The following KLF17 variants were observed in gnomAD, a reference collection of about 807,000 sequenced individuals.
The protein encoded by KLF17 is KLF transcription factor 17.
A neutral mutation model predicts 34.2 loss-of-function variants in KLF17; 31 were observed. That is an observed-to-expected ratio of 0.91 (90% CI 0.68 to 1.22). The LOEUF (loss-of-function observed/expected upper bound fraction) is 1.22, where lower values mean the gene tolerates loss of function less well. Among genes scored for constraint, KLF17 ranks in the 50% most tolerant of loss-of-function variants. The pLI is 0.00. For missense variants in KLF17, 478 were observed against 505.2 expected (o/e 0.95, Z 0.52); for synonymous variants, 179 against 186.7 (o/e 0.96, Z 0.34).
the KLF17 span, among the ~76,000 whole-genome samples, chr1:44,077,919 C>T: frequency 1.3e-5 from 2 of 152,148 alleles, no homozygotes; most frequent in African/African-American, 2.4e-5. Flanking sequence ...TACAGAAGTA[C>T]GTGGAATTGG....
At chr1:44,082,834 G>A in the KLF17 span, among the ~76,000 whole-genome samples, 1 of 152,006 alleles carries the variant, frequency 6.6e-6, no homozygotes, top group Non-Finnish European at 1.5e-5. Flanking sequence ...ATTCAGAAGG[G>A]AAAATGTGAC....
chr1:44,079,040 G>A, the KLF17 span, among the ~76,000 whole-genome samples: 1 of 152,012 alleles, frequency 6.6e-6, no homozygotes, highest in Non-Finnish European at 1.5e-5. Context: ...GATAAAGTAT[G>A]TTCTTCCTCC....
At chr1:44,058,667 C>CTTTTTTTTTT in the KLF17 span, among the ~76,000 whole-genome samples, 1 of 65,204 alleles carries the variant, frequency 1.5e-5, no homozygotes, top group East Asian at 4.7e-4. Flanking sequence ...ATGGGAGGCC[C>CTTTTTTTTTT]TTTTTTTTTT....
chr1:44,091,952 C>CA, the KLF17 span, among the ~76,000 whole-genome samples: 22 of 110,104 alleles, frequency 2.0e-4, no homozygotes, highest in Admixed American at 3.9e-4. Flanking sequence ...ACAACAACAA[C>CA]ACACACACAC....
At chr1:44,107,991 G>A in the KLF17 span, among the ~76,000 whole-genome samples, 3 of 152,144 alleles carry the variant, frequency 2.0e-5, no homozygotes, top group Non-Finnish European at 4.4e-5. Flanking sequence ...ACTAGAAGAC[G>A]AATGAGCCCA....
At chr1:44,084,798 G>A in the KLF17 span, among the ~76,000 whole-genome samples, 1 of 151,406 alleles carries the variant, frequency 6.6e-6, no homozygotes, top group Admixed American at 6.6e-5. Flanking sequence ...ATGAAGGCAG[G>A]CACGGTGGCT....
the KLF17 span, among the ~76,000 whole-genome samples, chr1:44,081,676 C>A: frequency 3.5e-4 from 53 of 152,156 alleles, 1 homozygote; most frequent in African/African-American, 1.3e-3. Context: ...CTGCCTCAGA[C>A]TCCCAAGGTG....
the KLF17 span, among the ~76,000 whole-genome samples, chr1:44,102,607 C>G: frequency 2.9e-5 from 3 of 101,776 alleles, no homozygotes; most frequent in Non-Finnish European, 4.4e-5. Flanking sequence ...CACACACACA[C>G]ACACACAGAA....
At chr1:44,047,139 T>C in the KLF17 span, among the ~76,000 whole-genome samples, 1 of 152,202 alleles carries the variant, frequency 6.6e-6, no homozygotes, top group Non-Finnish European at 1.5e-5. Flanking sequence ...AATATTATGT[T>C]TAGATATGCT....
chr1:44,092,089 T>C, the KLF17 span, among the ~76,000 whole-genome samples: 1 of 145,054 alleles, frequency 6.9e-6, no homozygotes, highest in Non-Finnish European at 1.5e-5. Context: ...ACACCTATAA[T>C]CCCAGCACTT....
At chr1:44,127,692 T>TTC (rs753421834) in intron 1 of KLF17, among the ~76,000 whole-genome samples, 14,092 of 89,628 alleles carry the variant, frequency 0.16, 1,409 homozygotes, top group Non-Finnish European at 0.18. Flanking sequence ...CTTTCTTTCT[T>TTC]TTTCTTTCTT....
chr1:44,080,363 C>G, the KLF17 span, among the ~76,000 whole-genome samples: 3 of 151,766 alleles, frequency 2.0e-5, no homozygotes, highest in Non-Finnish European at 2.9e-5. Context: ...CTCAGCCTCC[C>G]GAGTAGCTGG....
the KLF17 span, among the ~76,000 whole-genome samples, chr1:44,067,369 G>C: frequency 6.6e-6 from 1 of 152,170 alleles, no homozygotes; most frequent in Non-Finnish European, 1.5e-5. Context: ...AATGTATTGT[G>C]GTTGATGTAG....
chr1:44,070,256 A>G, the KLF17 span, among the ~76,000 whole-genome samples: 9 of 152,140 alleles, frequency 5.9e-5, no homozygotes, highest in Non-Finnish European at 1.0e-4. Flanking sequence ...GATATTTTGT[A>G]TAGTGGTGAA....
At chr1:44,103,724 G>A in the KLF17 span, 2 of 1,481,176 alleles carry the variant, frequency 1.4e-6, no homozygotes, top group East Asian at 4.6e-5. Flanking sequence ...CGGACAGCTT[G>A]GCGTTGGCAC....
the KLF17 span, among the ~76,000 whole-genome samples, chr1:44,058,937 A>G: frequency 6.6e-6 from 1 of 152,110 alleles, no homozygotes; most frequent in Non-Finnish European, 1.5e-5. Context: ...GTTAACCTCC[A>G]CAATCAACCA....
At chr1:44,089,588 T>C in the KLF17 span, among the ~76,000 whole-genome samples, 1 of 152,072 alleles carries the variant, frequency 6.6e-6, no homozygotes, top group Non-Finnish European at 1.5e-5. Context: ...AAGTTCTTCC[T>C]TGAAGGGGGA....
At chr1:44,066,893 T>C in the KLF17 span, among the ~76,000 whole-genome samples, 1 of 152,166 alleles carries the variant, frequency 6.6e-6, no homozygotes, top group South Asian at 2.1e-4. Context: ...AACATAATTT[T>C]GAGCAATAAA....
intron 1 of KLF17, among the ~76,000 whole-genome samples, chr1:44,123,631 A>G (rs759576065): frequency 2.6e-5 from 4 of 151,872 alleles, no homozygotes; most frequent in Non-Finnish European, 4.4e-5. Flanking sequence ...GTATTTTTCT[A>G]GTTCCTTAAG....
Sources: allele counts gnomAD v4.1 joint callset (sites outside exome capture counted in the v4.1 genomes callset), GRCh38; gene constraint gnomAD v4.1.1; transcripts MANE v1.5; gene names NCBI Gene and HGNC (gene_info 2026-07-23, HGNC 2026-07-21).